Variants in RPS6KA2 observed in about 807,000 individuals in gnomAD.
The protein encoded by RPS6KA2 is ribosomal protein S6 kinase A2, also known as ribosomal protein S6 kinase alpha-2.
Under a neutral mutation model 91.8 loss-of-function variants are expected in RPS6KA2, and 42 were observed. That is an observed-to-expected ratio of 0.46 (90% CI 0.36 to 0.59). The LOEUF is 0.59. Among genes scored for constraint, RPS6KA2 ranks in the 20% least tolerant of loss-of-function variants. The pLI, the probability that RPS6KA2 is intolerant of heterozygous loss-of-function variation, is 0.00. For synonymous variants in RPS6KA2, 414 were observed against 393.6 expected, an observed-to-expected ratio of 1.05 and a Z score of -0.61; for missense variants, 798 against 978.5, an observed-to-expected ratio of 0.82 and a Z score of 2.46.
At chr6:166,690,033 C>T (rs542493224) in intron 2 of RPS6KA2, among the ~76,000 whole-genome samples, 9 of 152,314 alleles carry the variant, frequency 5.9e-5, no homozygotes, top group East Asian at 1.9e-4. Flanking sequence ...GCAATCCCAC[C>T]GCATGGCTCC....
intron 2 of RPS6KA2, among the ~76,000 whole-genome samples, chr6:166,856,431 G>A (rs1288866546): frequency 1.3e-5 from 2 of 152,228 alleles, no homozygotes; most frequent in African/African-American, 2.4e-5. Context: ...CCAGCCTCCA[G>A]AACTGCGAGC....
intron 2 of RPS6KA2, among the ~76,000 whole-genome samples, chr6:166,738,119 C>G (rs186823695): frequency 3.9e-5 from 6 of 152,332 alleles, no homozygotes; most frequent in Non-Finnish European, 4.4e-5. Context: ...TATCAATGAA[C>G]ATATTGAATG....
chr6:166,804,724 C>T (rs1779448894), intron 2 of RPS6KA2, among the ~76,000 whole-genome samples: 1 of 151,982 alleles, frequency 6.6e-6, no homozygotes, highest in Non-Finnish European at 1.5e-5. Flanking sequence ...ATTAAATACT[C>T]AGTGCATTCA....
chr6:166,447,827 G>A (rs1779728176), intron 14 of RPS6KA2, among the ~76,000 whole-genome samples: 1 of 152,204 alleles, frequency 6.6e-6, no homozygotes, highest in Non-Finnish European at 1.5e-5. Flanking sequence ...AAGCCGGGAG[G>A]GTCCTGGTCA....
At chr6:166,595,810 T>C (rs1376785101) in intron 1 of RPS6KA2, among the ~76,000 whole-genome samples, 1 of 152,204 alleles carries the variant, frequency 6.6e-6, no homozygotes, top group South Asian at 2.1e-4. Context: ...ATAAAACTAC[T>C]TGGAGGAAAA....
chr6:166,547,062 C>T (rs1783850101), intron 1 of RPS6KA2, among the ~76,000 whole-genome samples: 2 of 152,194 alleles, frequency 1.3e-5, no homozygotes, highest in African/African-American at 4.8e-5. Flanking sequence ...GATCCTTCCA[C>T]CTCAGCCCTG....
rs989774329 is a variant in RPS6KA2, at chr6:166,626,034, G to A, written c.99+887C>T. On this transcript the variant is annotated intron_variant, in intron 1 of 20. Transcript: ENST00000265678. The surrounding 1 kb of genome is among the most constrained non-coding windows in gnomAD (Gnocchi z 4.1). ...ACCAACCAAAACCCCACAGGTGCCAGCCTTGAGGCAAAGGCGGGACAGTGT... is the reference window on the plus strand; with the variant it reads ...ACCAACCAAAACCCCACAGGTGCCAACCTTGAGGCAAAGGCGGGACAGTGT... Among the ~76,000 whole-genome samples the A allele has an allele frequency of 1.8e-4, 27 of 152,214 alleles. No homozygotes were observed. The highest frequency in any genetic ancestry group is 3.3e-4 in the Admixed American group (5 of 15,286).
chr6:166,707,564 A>G (rs1179580141), intron 2 of RPS6KA2, among the ~76,000 whole-genome samples: 1 of 152,154 alleles, frequency 6.6e-6, no homozygotes, highest in Non-Finnish European at 1.5e-5. Context: ...GGATGACAGT[A>G]ATGGAAGGAG....
At position 166,469,892 on chromosome 6, in the gene RPS6KA2, G is replaced by A. The variant is rs751663530; in HGVS notation, c.921C>T (p.Asp307=). The part of the protein sequence containing the change: ...NPCNRLGAGI[D]GVEEIKRHPF... ...GATGGCGCTTAATTTCCTCCACTCC[G>A]TCAATGCCAGCACCTGTCAACAACA... Residue 307 remains aspartate, a synonymous_variant, in exon 11 of 21, where the codon GAC becomes GAT. Transcript: ENST00000265678. 14 of 1,613,848 alleles carry A rather than the reference G, an allele frequency of 8.7e-6. No individual in the cohort carries two copies. Among genetic ancestry groups the A allele is most frequent in the East Asian group, 4.5e-5 (2 of 44,900 alleles).
In RPS6KA2 at chr6:166,579,054, G is replaced by A. The variant is rs571008112; in HGVS notation, c.100-40270C>T. Among the ~76,000 whole-genome samples the A allele has an allele frequency of 2.2e-4, 34 of 152,266 alleles. No individual in the cohort carries two copies. The South Asian group carries it at 6.2e-3, about 28-fold the overall frequency. On this transcript the variant is annotated intron_variant, in intron 1 of 20. Transcript: ENST00000265678. ...TCTGATGTCGAGCAGCATGGAAAAC[G>A]GAGGATCAGTGGATCATGAAAAACA...
intron 2 of RPS6KA2, among the ~76,000 whole-genome samples, chr6:166,793,918 C>T (rs1382648396): frequency 6.7e-6 from 1 of 149,056 alleles, no homozygotes; most frequent in Non-Finnish European, 1.5e-5. Flanking sequence ...AAAACCTAGG[C>T]AATACCATTC....
chr6:166,546,311 C>T (rs915681534), intron 1 of RPS6KA2, among the ~76,000 whole-genome samples: 10 of 152,040 alleles, frequency 6.6e-5, no homozygotes, highest in Non-Finnish European at 8.8e-5. Flanking sequence ...GGACCATTTC[C>T]GGTCTGGGCA....
intron 1 of RPS6KA2, among the ~76,000 whole-genome samples, chr6:166,543,278 G>T (rs1302375735): frequency 6.6e-6 from 1 of 152,160 alleles, no homozygotes; most frequent in Non-Finnish European, 1.5e-5. Context: ...ATCGTGTCCT[G>T]GAGGTTCTGA....
In RPS6KA2 at chr6:166,489,066, T is replaced by TAAAA. The variant is rs1298232303; in HGVS notation, c.819-146_819-145insTTTT. ...CCACGTGGGTCTTAGGACCCTTTTA[T>TAAAA]GCTTTAAAAGTTACTGAGGACACCA... On this transcript the variant is annotated intron_variant, in intron 9 of 20. Coordinates refer to ENST00000265678, the MANE Select transcript of RPS6KA2 (RefSeq NM_021135.6). 13 of 614,538 alleles carry TAAAA rather than the reference T, an allele frequency of 2.1e-5. No homozygotes were observed. In the Admixed American group the frequency reaches 3.5e-4, roughly 16 times the overall value. The allele number at this position is 614,538 out of a possible 1,614,324, so 38.1% of individuals were successfully genotyped here.
intron 2 of RPS6KA2, among the ~76,000 whole-genome samples, chr6:166,725,894 C>A (rs1790325227): frequency 6.6e-6 from 1 of 152,218 alleles, no homozygotes; most frequent in African/African-American, 2.4e-5. Context: ...GAGGGCGCAT[C>A]ACTTGTGATT....
At chr6:166,474,333 C>T (rs995927622) in intron 10 of RPS6KA2, among the ~76,000 whole-genome samples, 4 of 152,346 alleles carry the variant, frequency 2.6e-5, no homozygotes, top group South Asian at 2.1e-4. Flanking sequence ...TCTGCCCGTG[C>T]GTCAGCCACA....
intron 2 of RPS6KA2, among the ~76,000 whole-genome samples, chr6:166,761,281 GT>G (rs772866683): frequency 2.0e-5 from 3 of 152,214 alleles, no homozygotes; most frequent in Non-Finnish European, 4.4e-5. Context: ...CTGACCTCAA[GT>G]GATCTGCCCG....
At chr6:166,642,419 A>G (rs181611421) in intron 2 of RPS6KA2, among the ~76,000 whole-genome samples, 15 of 152,372 alleles carry the variant, frequency 9.8e-5, no homozygotes, top group Admixed American at 3.3e-4. Context: ...GAGCTGCATG[A>G]AAGTAAATCA....
At chr6:166,660,072 A>G (rs551166370) in intron 2 of RPS6KA2, among the ~76,000 whole-genome samples, 116 of 152,294 alleles carry the variant, frequency 7.6e-4, no homozygotes, top group African/African-American at 2.7e-3. Flanking sequence ...TTAATTCTAT[A>G]AACTGGAAAG....
Sources: allele counts gnomAD v4.1 joint callset (sites outside exome capture counted in the v4.1 genomes callset), GRCh38; gene constraint gnomAD v4.1.1; non-coding constraint Gnocchi (gnomAD v3.1); transcripts MANE v1.5; gene names NCBI Gene and HGNC (gene_info 2026-07-23, HGNC 2026-07-21).